Variants in TRMT2B observed in about 807,000 individuals in gnomAD.
The protein encoded by TRMT2B is tRNA (uracil-5-)-methyltransferase homolog B.
Under a neutral mutation model 39.7 loss-of-function variants are expected in TRMT2B, and 34 were observed. That is an observed-to-expected ratio of 0.86 (90% CI 0.65 to 1.14). The LOEUF (loss-of-function observed/expected upper bound fraction) is 1.14. Ranked by LOEUF, TRMT2B falls within the 50% of genes most tolerant of loss-of-function variation. The pLI is 0.00. For missense variants in TRMT2B, 318 were observed against 377.2 expected, an observed-to-expected ratio of 0.84 and a Z score of 1.30; for synonymous variants, 132 against 137.3, an observed-to-expected ratio of 0.96 and a Z score of 0.27.
At position 101,020,602 on chromosome X, in the gene TRMT2B, C is replaced by A. The variant is rs754251576; in HGVS notation, c.1067-14G>T. On this transcript the variant is annotated splice_polypyrimidine_tract_variant and intron_variant, in intron 10 of 13. Coordinates refer to ENST00000372936, the MANE Select transcript of TRMT2B (RefSeq NM_024917.6). ...GGCCAATCACACCTGAAGAAGTAAACGAGAAGAAGAAGAAGGCATTTTAGG... is the reference window on the plus strand; with the variant it reads ...GGCCAATCACACCTGAAGAAGTAAAAGAGAAGAAGAAGAAGGCATTTTAGG... 1 of 1,145,237 alleles carries A rather than the reference C, an allele frequency of 8.7e-7. No homozygotes were observed. The highest frequency in any genetic ancestry group is 1.2e-6 in the Non-Finnish European group (1 of 836,064). 94.4% of individuals were successfully genotyped at this position (1,145,237 alleles called of 1,213,427 possible).
At chrX:101,019,606 C>T (rs764808440) in intron 11 of TRMT2B, among the ~76,000 whole-genome samples, 1 of 109,124 alleles carries the variant, frequency 9.2e-6, no homozygotes, top group African/African-American at 3.3e-5. Flanking sequence ...CTCAGTAAGC[C>T]TTTCAGCTTG....
At chrX:100,978,415 T>C in the TRMT2B span, among the ~76,000 whole-genome samples, 1 of 111,819 alleles carries the variant, frequency 8.9e-6, no homozygotes, top group African/African-American at 3.2e-5. Context: ...ATAATTGTTA[T>C]ATACACTTGC....
chrX:100,985,912 T>G, the TRMT2B span: 3 of 1,204,518 alleles, frequency 2.5e-6, no homozygotes, highest in Non-Finnish European at 3.4e-6. Context: ...GAAACCCATC[T>G]TAATGTAAGA....
At chrX:101,003,999 T>A in the TRMT2B span, among the ~76,000 whole-genome samples, 1 of 109,415 alleles carries the variant, frequency 9.1e-6, no homozygotes, top group Non-Finnish European at 1.9e-5. Flanking sequence ...TCCAGCTAAT[T>A]GTTAAATTTT....
intron 13 of TRMT2B, among the ~76,000 whole-genome samples, chrX:101,016,999 C>G (rs1356791041): frequency 9.0e-6 from 1 of 110,777 alleles, no homozygotes; most frequent in African/African-American, 3.3e-5. Flanking sequence ...ATGGTGAAAC[C>G]CTGTCTCTAC....
Position 101,010,652 on chromosome X carries a change from G to T in TRMT2B, c.1444C>A (p.Gln482Lys). ...AACAAATCCACAGGTACAGCTTGCT[G>T]CAGGACAAAGGGCTCGCCTAAGAGC... ...KKLLGEPFVL[Q>K]QAVPVDLFPH... The change falls in exon 14 of 14, where the codon CAG becomes AAG. Residue 482 changes from glutamine to lysine, a missense_variant. Coordinates refer to ENST00000372936, the MANE Select transcript of TRMT2B (RefSeq NM_024917.6). 8.3e-7 allele frequency: 1 copy of T among 1,211,124 alleles called. No individual in the cohort carries two copies. Among genetic ancestry groups the T allele is most frequent in the Admixed American group, 2.2e-5 (1 of 45,947 alleles).
chrX:101,002,779 CAAAA>C, the TRMT2B span, among the ~76,000 whole-genome samples: 1 of 61,866 alleles, frequency 1.6e-5, no homozygotes. Flanking sequence ...AACTCTGTCT[CAAAA>C]AAAAAAAAAA....
At chrX:101,006,659 C>G (rs776371977), downstream of TRMT2B, among the ~76,000 whole-genome samples, 1 of 109,934 alleles carries the variant, frequency 9.1e-6, no homozygotes, top group South Asian at 4.0e-4. Context: ...AAAAAATAGC[C>G]AGGCATGGTA....
At position 101,051,479 on chromosome X, in the gene TRMT2B, T is replaced by TAA. The variant is rs1358350603; in HGVS notation, c.-253_-252insTT. On this transcript the variant is annotated 5_prime_UTR_variant, in exon 2 of 14. Coordinates refer to ENST00000372936, the MANE Select transcript of TRMT2B (RefSeq NM_024917.6). ...CTCCACTAGCCCTTCCATTCCCTTCTTCTTTAGGCAAGTTCTGCCCACTGT... is the reference window on the plus strand; with the variant it reads ...CTCCACTAGCCCTTCCATTCCCTTCTAATCTTTAGGCAAGTTCTGCCCACTGT... 17 of 753,007 alleles carry TAA rather than the reference T, an allele frequency of 2.3e-5. No homozygotes were observed. The highest frequency in any genetic ancestry group is 2.7e-5 in the Non-Finnish European group (17 of 639,217). The allele number at this position is 753,007 out of a possible 1,213,427, so 62.1% of individuals were successfully genotyped here. A position where few individuals can be genotyped will look rare whatever the true frequency, so the allele number is the denominator to read the frequency against.
At chrX:101,022,718 G>T (rs949498219) in intron 8 of TRMT2B, among the ~76,000 whole-genome samples, 12 of 111,110 alleles carry the variant, frequency 1.1e-4, no homozygotes, top group African/African-American at 3.9e-4. Context: ...GATTGCTTGA[G>T]CCCAGCAGTT....
At chrX:101,026,085 GAAA>G (rs1006958342) in intron 7 of TRMT2B, among the ~76,000 whole-genome samples, 1 of 109,287 alleles carries the variant, frequency 9.2e-6, no homozygotes, top group African/African-American at 3.3e-5. Flanking sequence ...AGGAAAGAAA[GAAA>G]AAAAGAGAGG....
intron 13 of TRMT2B, among the ~76,000 whole-genome samples, chrX:101,014,083 T>A (rs898045204): frequency 2.7e-5 from 3 of 110,565 alleles, no homozygotes; most frequent in African/African-American, 9.9e-5. Flanking sequence ...CAAGACTCCA[T>A]CCCCCGCAAA....
Position 101,037,029 on chromosome X carries a change from G to A in TRMT2B, c.483C>T (p.Asn161=), listed in dbSNP as rs1437763336. 8.3e-7 allele frequency: 1 copy of A among 1,211,443 alleles called. No homozygotes were observed. The highest frequency in any genetic ancestry group is 1.8e-5 in the South Asian group (1 of 56,975). ...GYRNKSTFSV[N]RGPDGNPKTV... is the part of the protein sequence containing the mutation. ...TCTTTGGATTGCCATCTGGACCTCGGTTCACAGAGAAGGTGGACTTATTTC... is the reference window on the plus strand; with the variant it reads ...TCTTTGGATTGCCATCTGGACCTCGATTCACAGAGAAGGTGGACTTATTTC... The change falls in exon 6 of 14, where the codon AAC becomes AAT. Residue 161 remains asparagine, a synonymous_variant. Transcript: ENST00000372936.
chrX:101,016,175 A>ACAAT (rs2148001817), intron 13 of TRMT2B, among the ~76,000 whole-genome samples: 1 of 112,218 alleles, frequency 8.9e-6, no homozygotes, highest in Non-Finnish European at 1.9e-5. Flanking sequence ...ATCTATCACT[A>ACAAT]CAATCAATTT....
chrX:101,017,151 G>A (rs2086569212), intron 13 of TRMT2B, among the ~76,000 whole-genome samples: 2 of 110,302 alleles, frequency 1.8e-5, no homozygotes, highest in Non-Finnish European at 1.9e-5. Context: ...CAGCTTGGGC[G>A]ACAGAGCAAG....
chrX:101,018,170 G>A (rs1370811542), intron 13 of TRMT2B, among the ~76,000 whole-genome samples: 1 of 110,455 alleles, frequency 9.1e-6, no homozygotes. Context: ...GTGAGACCTT[G>A]TCTCTACAAA....
chrX:100,976,746 A>G, the TRMT2B span, among the ~76,000 whole-genome samples: 1 of 112,133 alleles, frequency 8.9e-6, no homozygotes, highest in Non-Finnish European at 1.9e-5. Context: ...CAAGTAGCTG[A>G]CATTACAGGC....
At chrX:100,987,148 G>A in the TRMT2B span, among the ~76,000 whole-genome samples, 4 of 112,020 alleles carry the variant, frequency 3.6e-5, no homozygotes, top group African/African-American at 9.7e-5. Flanking sequence ...GAGACTCTAC[G>A]TGACTTGCTC....
At chrX:100,992,328 C>T in the TRMT2B span, among the ~76,000 whole-genome samples, 1 of 111,639 alleles carries the variant, frequency 9.0e-6, no homozygotes, top group Non-Finnish European at 1.9e-5. Context: ...GTGGCTCATG[C>T]CTAGCACCTT....
Sources: gnomAD v4.1 joint callset for allele counts (sites outside exome capture counted in the v4.1 genomes callset) on GRCh38, gnomAD v4.1.1 for gene constraint, MANE v1.5 for transcripts, NCBI Gene and HGNC (gene_info 2026-07-23, HGNC 2026-07-21) for gene names.